CHRM3: variants seen among roughly 807,000 people sequenced by gnomAD.
CHRM3 encodes muscarinic acetylcholine receptor M3.
CHRM3 carries 11 observed loss-of-function variants against 41.8 expected under a neutral mutation model. The ratio of observed to expected loss-of-function variants is 0.26; its 90% CI spans 0.17 to 0.44. CHRM3 has a LOEUF of 0.44. Among genes scored for constraint, CHRM3 ranks in the 20% least tolerant of loss-of-function variants. The pLI is 1.00. For missense variants in CHRM3, 571 were observed against 745.4 expected (o/e 0.77, Z 2.72); for synonymous variants, 297 against 301.4 (o/e 0.99, Z 0.15).
intron 1 of CHRM3, among the ~76,000 whole-genome samples, chr1:239,477,220 T>C (rs1666526713): frequency 1.3e-5 from 2 of 152,250 alleles, no homozygotes; most frequent in African/African-American, 4.8e-5. Context: ...TATTTGATCT[T>C]TCTTTGCCTG....
chr1:239,897,877 A>T (rs1394429417), intron 6 of CHRM3: 1 of 152,192 alleles, frequency 6.6e-6, no homozygotes, highest in Non-Finnish European at 1.5e-5. Flanking sequence ...TACACGTAAG[A>T]GGTCCTGATG....
chr1:239,443,707 C>T (rs962416416), intron 1 of CHRM3, among the ~76,000 whole-genome samples: 2 of 152,030 alleles, frequency 1.3e-5, no homozygotes, highest in African/African-American at 4.8e-5. Flanking sequence ...TAGCATTAGT[C>T]GGTATAATAT....
chr1:239,897,164 C>T (rs1017331310), intron 6 of CHRM3, among the ~76,000 whole-genome samples: 3 of 152,212 alleles, frequency 2.0e-5, no homozygotes, highest in African/African-American at 7.2e-5. Flanking sequence ...ATGCGCGCCT[C>T]CCACATTGCT....
intron 2 of CHRM3, among the ~76,000 whole-genome samples, chr1:239,543,375 C>T (rs900135665): frequency 3.9e-5 from 6 of 152,198 alleles, no homozygotes; most frequent in Non-Finnish European, 8.8e-5. Flanking sequence ...CCCTGAGGCT[C>T]ATGATCTTCT....
At chr1:239,688,574 T>C (rs1471915913) in intron 5 of CHRM3, among the ~76,000 whole-genome samples, 43 of 133,426 alleles carry the variant, frequency 3.2e-4, no homozygotes, top group Admixed American at 8.3e-4. Flanking sequence ...TATATGATAT[T>C]ATATATTACT....
In CHRM3 at chr1:239,386,945, C is replaced by T. The variant is rs573047626; in HGVS notation, c.-803C>T. On this transcript the variant is annotated 5_prime_UTR_variant, in exon 1 of 7. Transcript: ENST00000676153. ...CATGTGACGCGCGGCCGCAGCTGCC[C>T]GCGGGCGGAGCGCTCTCAGACCCCG... The T allele has an allele frequency of 6.6e-6, 1 of 152,072 alleles. No individual in the cohort carries two copies. The highest frequency in any genetic ancestry group is 2.1e-4 in the South Asian group (1 of 4,826). The allele number at this position is 152,072 out of a possible 1,614,324, so 9.4% of individuals were successfully genotyped here. A position where few individuals can be genotyped will look rare whatever the true frequency, so the allele number is the denominator to read the frequency against.
chr1:239,619,687 C>G (rs11806179), intron 3 of CHRM3, among the ~76,000 whole-genome samples: 5,910 of 152,194 alleles, frequency 0.039, 169 homozygotes, highest in Middle Eastern at 0.11. Flanking sequence ...TACATTTTTC[C>G]CCTTTAAAAT....
Position 239,638,382 on chromosome 1 carries a change from G to GTGTAAAAT in CHRM3, c.-250+6100_-250+6107dup, listed in dbSNP as rs1166166317. Among the ~76,000 whole-genome samples the GTGTAAAAT allele has an allele frequency of 2.0e-5, 3 of 152,196 alleles. No individual in the cohort carries two copies. The East Asian group carries it at 5.8e-4, about 29-fold the overall frequency. On this transcript the variant is annotated intron_variant, in intron 4 of 6. Coordinates refer to ENST00000676153, the MANE Select transcript of CHRM3 (RefSeq NM_001375978.1). Reference sequence around the variant, plus strand: ...GAACTAGTTTACAGTCCCACCAGCAGTGTAAAATTGTTCCTGTTTCTCCAC... The same window carrying GTGTAAAAT: ...GAACTAGTTTACAGTCCCACCAGCAGTGTAAAATTGTAAAATTGTTCCTGTTTCTCCAC...
chr1:239,485,429 C>A (rs932459284), intron 1 of CHRM3, among the ~76,000 whole-genome samples: 1 of 152,134 alleles, frequency 6.6e-6, no homozygotes, highest in Admixed American at 6.6e-5. Flanking sequence ...GGGCTACAGG[C>A]ACATGCCACC....
At chr1:239,629,686 T>C (rs1669579631) in intron 3 of CHRM3, 1 of 152,222 alleles carries the variant, frequency 6.6e-6, no homozygotes, top group African/African-American at 2.4e-5. Context: ...AACCACAATA[T>C]TTCCAAGGCA....
intron 5 of CHRM3, among the ~76,000 whole-genome samples, chr1:239,786,260 A>G (rs998934234): frequency 6.6e-6 from 1 of 152,112 alleles, no homozygotes; most frequent in Non-Finnish European, 1.5e-5. Context: ...TGTATAATTC[A>G]TTTTATTAAT....
rs1020408451 is a variant in CHRM3, at chr1:239,387,184, C to G, written c.-564C>G. 6.6e-6 allele frequency: 1 copy of G among 152,216 alleles called. No individual in the cohort carries two copies. Among genetic ancestry groups the G allele is most frequent in the East Asian group, 2.0e-4 (1 of 5,124 alleles). The allele number at this position is 152,216 out of a possible 1,614,324, so 9.4% of individuals were successfully genotyped here. A position where few individuals can be genotyped will look rare whatever the true frequency, so the allele number is the denominator to read the frequency against. ...GGACGCCACCCGCGCACCGGGCAGG[C>G]GCGGAGACCGGCGTGGGACAGCCAC... On this transcript the variant is annotated 5_prime_UTR_variant, in exon 1 of 7. Coordinates refer to ENST00000676153, the MANE Select transcript of CHRM3 (RefSeq NM_001375978.1). The surrounding 1 kb of genome is among the most constrained non-coding windows in gnomAD (Gnocchi z 5.1).
At chr1:239,405,883 C>T (rs1199852300) in intron 1 of CHRM3, among the ~76,000 whole-genome samples, 3 of 151,920 alleles carry the variant, frequency 2.0e-5, no homozygotes, top group African/African-American at 7.3e-5. Context: ...GAGGGCAAGA[C>T]GGATTTTTTT....
At chr1:239,768,950 A>G (rs1667441193) in intron 5 of CHRM3, among the ~76,000 whole-genome samples, 1 of 152,210 alleles carries the variant, frequency 6.6e-6, no homozygotes, top group Middle Eastern at 3.4e-3. Flanking sequence ...TTTTTAGTAA[A>G]GACAGATTTT....
chr1:239,394,576 G>A (rs986429693), intron 1 of CHRM3, among the ~76,000 whole-genome samples: 18 of 152,156 alleles, frequency 1.2e-4, no homozygotes, highest in African/African-American at 3.6e-4. Flanking sequence ...GACCACTGCA[G>A]ATGTCATTAA....
At chr1:239,608,214 A>G (rs1381845838) in intron 3 of CHRM3, among the ~76,000 whole-genome samples, 1 of 152,190 alleles carries the variant, frequency 6.6e-6, no homozygotes, top group African/African-American at 2.4e-5. Context: ...GAAACCATTT[A>G]GTTATAAATA....
At chr1:239,396,505 T>A (rs746902379) in intron 1 of CHRM3, among the ~76,000 whole-genome samples, 6 of 152,036 alleles carry the variant, frequency 3.9e-5, no homozygotes, top group Non-Finnish European at 7.4e-5. Context: ...CTCAGCTATA[T>A]GGGAGGCTGA....
intron 3 of CHRM3, among the ~76,000 whole-genome samples, chr1:239,580,622 A>G (rs958466127): frequency 1.4e-5 from 2 of 146,684 alleles, no homozygotes; most frequent in Non-Finnish European, 3.0e-5. Context: ...ATCTCAGAAT[A>G]TTCACCAGTG....
intron 6 of CHRM3, among the ~76,000 whole-genome samples, chr1:239,875,468 C>A (rs1242241431): frequency 6.6e-6 from 1 of 152,192 alleles, no homozygotes; most frequent in Non-Finnish European, 1.5e-5. Flanking sequence ...ACATGTGTCA[C>A]AAAATGTTAT....
Sources: allele counts gnomAD v4.1 joint callset (sites outside exome capture counted in the v4.1 genomes callset), GRCh38; gene constraint gnomAD v4.1.1; non-coding constraint Gnocchi (gnomAD v3.1); transcripts MANE v1.5; gene names NCBI Gene and HGNC (gene_info 2026-07-23, HGNC 2026-07-21).